TENM4: variants seen among roughly 807,000 people sequenced by gnomAD.
TENM4 encodes the protein teneurin-4.
A neutral mutation model predicts 243.3 loss-of-function variants in TENM4; 82 were observed. That is an observed-to-expected ratio of 0.34 (90% CI 0.28 to 0.40). TENM4 has a LOEUF of 0.40. Ranked by LOEUF, TENM4 falls within the 10% of genes least tolerant of loss-of-function variation. The pLI, the probability that TENM4 is intolerant of heterozygous loss-of-function variation, is 1.00. For missense variants in TENM4, 3,138 were observed against 3,673.3 expected (o/e 0.85, Z 3.77); for synonymous variants, 1,412 against 1,456.3 (o/e 0.97, Z 0.69).
chr11:78,911,343 C>T (rs1856180870), intron 6 of TENM4, among the ~76,000 whole-genome samples: 1 of 152,278 alleles, frequency 6.6e-6, no homozygotes, highest in South Asian at 2.1e-4. Flanking sequence ...TTGCCTCCTC[C>T]AGCCCCATCC....
chr11:78,991,212 G>A (rs1858036423), intron 6 of TENM4, among the ~76,000 whole-genome samples: 1 of 152,106 alleles, frequency 6.6e-6, no homozygotes, highest in Admixed American at 6.5e-5. Flanking sequence ...TCCCAGGGTA[G>A]CCCTCCTGAG....
intron 1 of TENM4, among the ~76,000 whole-genome samples, chr11:79,355,394 G>T (rs144758392): frequency 4.6e-5 from 7 of 152,098 alleles, no homozygotes; most frequent in Non-Finnish European, 1.0e-4. Flanking sequence ...TTAGCCAGCC[G>T]TGGTGGTGGG....
chr11:78,815,252 G>T (rs1020909627), intron 12 of TENM4, among the ~76,000 whole-genome samples: 28 of 152,088 alleles, frequency 1.8e-4, no homozygotes, highest in Non-Finnish European at 3.8e-4. Flanking sequence ...CTGGCATGGT[G>T]GTGTACACCT....
chr11:79,429,648 C>T (rs1314717656), intron 1 of TENM4, among the ~76,000 whole-genome samples: 1 of 152,114 alleles, frequency 6.6e-6, no homozygotes, highest in African/African-American at 2.4e-5. Flanking sequence ...GAATTCAACC[C>T]AAAACCTGTT....
At chr11:79,176,907 G>A (rs553349947) in intron 3 of TENM4, among the ~76,000 whole-genome samples, 64 of 152,212 alleles carry the variant, frequency 4.2e-4, no homozygotes, top group African/African-American at 1.4e-3. Context: ...GTAGGAGACC[G>A]GTCAGGGTGG....
intron 1 of TENM4, among the ~76,000 whole-genome samples, chr11:79,328,332 C>G (rs983831011): frequency 8.5e-5 from 13 of 152,180 alleles, no homozygotes; most frequent in African/African-American, 2.9e-4. Flanking sequence ...GTTTTTGGGT[C>G]TCTAACATTG....
intron 6 of TENM4, among the ~76,000 whole-genome samples, chr11:78,937,559 A>C (rs1856811795): frequency 6.6e-6 from 1 of 152,184 alleles, no homozygotes; most frequent in African/African-American, 2.4e-5. Context: ...CCTATTAACA[A>C]CCTGCAGAGC....
At chr11:78,865,677 G>T (rs1591082375) in intron 9 of TENM4, among the ~76,000 whole-genome samples, 1 of 152,168 alleles carries the variant, frequency 6.6e-6, no homozygotes, top group East Asian at 1.9e-4. Flanking sequence ...CTTCTAGTCT[G>T]AACACAAGCC....
chr11:79,364,167 T>G (rs1462743010), intron 1 of TENM4, among the ~76,000 whole-genome samples: 4 of 152,216 alleles, frequency 2.6e-5, no homozygotes, highest in Non-Finnish European at 4.4e-5. Context: ...ATGAGTAATC[T>G]TAGCTCTGTC....
intron 3 of TENM4, among the ~76,000 whole-genome samples, chr11:79,189,663 T>C (rs919411008): frequency 5.9e-5 from 9 of 152,266 alleles, no homozygotes; most frequent in African/African-American, 1.2e-4. Flanking sequence ...GCTCTGGATA[T>C]GTAGTGCCTG....
At chr11:79,080,533 T>C (rs1860641029) in intron 4 of TENM4, among the ~76,000 whole-genome samples, 1 of 152,152 alleles carries the variant, frequency 6.6e-6, no homozygotes, top group Non-Finnish European at 1.5e-5. Context: ...GCCTCTCCCA[T>C]TGTGTTGACT....
chr11:78,870,730 G>GGAA (rs1221542621), intron 9 of TENM4, among the ~76,000 whole-genome samples: 1 of 152,114 alleles, frequency 6.6e-6, no homozygotes, highest in African/African-American at 2.4e-5. Context: ...AAATCATGGC[G>GGAA]GAGTTGGTCC....
chr11:79,082,011 G>A (rs989058904), intron 4 of TENM4, among the ~76,000 whole-genome samples: 2 of 152,118 alleles, frequency 1.3e-5, no homozygotes, highest in African/African-American at 4.8e-5. Flanking sequence ...TCATCTGTTA[G>A]GAAAATGCCC....
At chr11:78,861,880 C>T (rs188776996) in intron 10 of TENM4, among the ~76,000 whole-genome samples, 20 of 152,220 alleles carry the variant, frequency 1.3e-4, no homozygotes, top group African/African-American at 4.6e-4. Flanking sequence ...CAGGCCATAG[C>T]AGGTGCAGGA....
Position 78,669,280 on chromosome 11 carries a change from CTCA to C in TENM4, c.7062_7064del (p.Asp2354del), listed in dbSNP as rs1468459872. 1 of 1,613,896 alleles carries C rather than the reference CTCA, an allele frequency of 6.2e-7. No homozygotes were observed. The highest frequency in any genetic ancestry group is 8.5e-7 in the Non-Finnish European group (1 of 1,179,906). On this transcript the variant is annotated inframe_deletion, in exon 32 of 34. Transcript: ENST00000278550. The surrounding 1 kb of genome is among the most constrained non-coding windows in gnomAD (Gnocchi z 6.4). ...CGATGTTGTCACAAGCTATGTAAAA[CTCA>C]TCACCACTGCTCAGCTCCATGGCAA...
chr11:78,981,489 T>C (rs1857793891), intron 6 of TENM4, among the ~76,000 whole-genome samples: 1 of 152,188 alleles, frequency 6.6e-6, no homozygotes, highest in Non-Finnish European at 1.5e-5. Flanking sequence ...TGTGTCTCAG[T>C]TGGAAGATCC....
intron 3 of TENM4, among the ~76,000 whole-genome samples, chr11:79,155,779 C>T (rs1187734275): frequency 6.7e-6 from 1 of 149,590 alleles, no homozygotes; most frequent in Non-Finnish European, 1.5e-5. Context: ...TCTCTTCTTC[C>T]TCATTCCCAC....
Position 78,771,137 on chromosome 11 carries a change from C to A in TENM4, c.2394G>T (p.Glu798Asp). The A allele has an allele frequency of 6.4e-7, 1 of 1,565,804 alleles. No homozygotes were observed. Among genetic ancestry groups the A allele is most frequent in the East Asian group, 2.4e-5 (1 of 41,908 alleles). ...IAHYLDRVVK[E>D]GCPGLCNGNG... ...TGCCATTGCACAACCCAGGGCAACC[C>A]TCTGAAAGACAAAGTACAGGGTTGA... The change falls in exon 18 of 34, where the codon GAG becomes GAT. Residue 798 changes from glutamate (E) to aspartate (D), a missense_variant and splice_region_variant. By Grantham distance (45) the Glu-to-Asp change is conservative (BLOSUM62 2). Transcript: ENST00000278550.
intron 12 of TENM4, among the ~76,000 whole-genome samples, chr11:78,850,403 T>C (rs931245709): frequency 2.6e-5 from 4 of 152,180 alleles, no homozygotes; most frequent in African/African-American, 9.7e-5. Context: ...AGATTCCAAT[T>C]TGTGTGTTAA....
Sources: gnomAD v4.1 joint callset for allele counts (sites outside exome capture counted in the v4.1 genomes callset) on GRCh38, gnomAD v4.1.1 for gene constraint, Gnocchi (gnomAD v3.1) non-coding constraint, MANE v1.5 for transcripts, NCBI Gene and HGNC (gene_info 2026-07-23, HGNC 2026-07-21) for gene names.